Variants in TPM1 observed in about 807,000 individuals in gnomAD.
TPM1 encodes the protein tropomyosin alpha-1 chain.
Under a neutral mutation model 42.9 loss-of-function variants are expected in TPM1, and 24 were observed. The observed-to-expected ratio is 0.56, with a 90% CI of 0.41 to 0.79. The LOEUF (loss-of-function observed/expected upper bound fraction) is 0.79, where lower values mean the gene tolerates loss of function less well. Among genes scored for constraint, TPM1 ranks in the 30% least tolerant of loss-of-function variants. TPM1 has a pLI of 0.00. For missense variants in TPM1, 158 were observed against 351.8 expected (o/e 0.45, Z 4.41); for synonymous variants, 136 against 130.1 (o/e 1.05, Z -0.31).
chr15:63,067,735 A>G (rs111649492), downstream of TPM1, among the ~76,000 whole-genome samples: 91 of 152,322 alleles, frequency 6.0e-4, no homozygotes, highest in African/African-American at 2.0e-3. Context: ...TGTTGATTTG[A>G]ACCAGGCTTC....
chr15:63,062,183 C>G, intron 6 of TPM1, 32 bp from the exon 7 acceptor site: 1 of 1,602,342 alleles, frequency 6.2e-7, no homozygotes, highest in Non-Finnish European at 8.6e-7. Context: ...TGAGCTGCAG[C>G]CTGACATCTG....
rs1596297347 is a variant in TPM1 at position 63,042,932 on chromosome 15, A to C, written c.103A>C (p.Arg35=). 1 of 1,599,748 alleles carries C rather than the reference A, an allele frequency of 6.3e-7. No individual in the cohort carries two copies. The highest frequency in any genetic ancestry group is 8.5e-7 in the Non-Finnish European group (1 of 1,173,396). ...AEADKKAAED[R]SKQLEDELVS... is the part of the protein sequence containing the mutation. The stretch of plus-strand genomic sequence containing the variant: ...GGCCGACAAGAAGGCGGCGGAAGAC[A>C]GGAGCAAGCAGGTCTGCGCCTCCCC... The change falls in exon 1 of 10, where the codon AGG becomes CGG. Residue 35 remains arginine (R), a synonymous_variant. Transcript: ENST00000403994.
intron 3 of TPM1, among the ~76,000 whole-genome samples, chr15:63,058,021 G>T (rs1185013613): frequency 1.3e-5 from 2 of 152,136 alleles, no homozygotes. Flanking sequence ...CCTACCACTA[G>T]GTACCAGGTA....
At chr15:63,068,648 T>C (rs1972041), downstream of TPM1, among the ~76,000 whole-genome samples, 90,251 of 152,026 alleles carry the variant, frequency 0.59, 27,380 homozygotes, top group Admixed American at 0.68. Context: ...CTGTTCCCAG[T>C]GCATACCGGG....
At chr15:63,058,960 T>C (rs1035346436) in intron 3 of TPM1, among the ~76,000 whole-genome samples, 4 of 152,234 alleles carry the variant, frequency 2.6e-5, no homozygotes, top group African/African-American at 9.6e-5. Context: ...GGTTCCATTA[T>C]AGGTAAAACT....
At chr15:63,048,066 G>C (rs1482760537) in intron 2 of TPM1, 1 of 357,994 alleles carries the variant, frequency 2.8e-6, no homozygotes, top group East Asian at 1.1e-4. Flanking sequence ...TCCGGCTCCA[G>C]ACCCGCCGCT....
rs186062271 is a variant in TPM1, at chr15:63,046,596, G to A, written c.240+2444G>A. Reference sequence around the variant, plus strand: ...GTAGTATCCCTGATGGTCTTGTTTCGAATTTTGTGTTGTCTTTCCACCTAA... The same window carrying A: ...GTAGTATCCCTGATGGTCTTGTTTCAAATTTTGTGTTGTCTTTCCACCTAA... On this transcript the variant is annotated intron_variant, in intron 2 of 9. Transcript: ENST00000403994. 7.2e-5 allele frequency: 11 copies of A among 152,518 alleles called. No homozygotes were observed. In the East Asian group the frequency reaches 7.7e-4, roughly 11 times the overall value. The allele number at this position is 152,518 out of a possible 1,614,324, so 9.4% of individuals were successfully genotyped here.
rs896036711 is a variant in TPM1 at position 63,054,908 on chromosome 15, TC to T, written c.241-2070del. Among the ~76,000 whole-genome samples the T allele has an allele frequency of 2.3e-3, 349 of 150,818 alleles. 1 individual carries two copies. The highest frequency in any genetic ancestry group is 7.9e-3 in the African/African-American group (323 of 40,956). ...TTTGTTTTTGCTTCCGCTTTGAGTC[TC>T]CCCCCCACCCTCAAAAGGAATAGAA... On this transcript the variant is annotated intron_variant, in intron 2 of 9. Transcript: ENST00000403994.
Position 63,066,102 on chromosome 15 carries a change from T to G in TPM1, c.*203T>G, listed in dbSNP as rs1345827880. 3 of 1,497,694 alleles carry G rather than the reference T, an allele frequency of 2.0e-6. No homozygotes were observed. In the East Asian group the frequency reaches 7.4e-5, roughly 37 times the overall value. 92.8% of individuals were successfully genotyped at this position (1,497,694 alleles called of 1,614,324 possible). A position where few individuals can be genotyped will look rare whatever the true frequency, so the allele number is the denominator to read the frequency against. ...AAACACTGTGTAAGCTATTTCTGTTTGCTATTCTTTTTACTTCTTATTTAT... is the reference window on the plus strand; with the variant it reads ...AAACACTGTGTAAGCTATTTCTGTTGGCTATTCTTTTTACTTCTTATTTAT... On this transcript the variant is annotated 3_prime_UTR_variant, in exon 10 of 10. Transcript: ENST00000403994.
chr15:63,064,425 T>A, intron 9 of TPM1: 2 of 1,235,440 alleles, frequency 1.6e-6, no homozygotes, highest in Non-Finnish European at 2.0e-6. Flanking sequence ...ACTGTCCTTT[T>A]GGGAAATTAA....
intron 2 of TPM1, chr15:63,048,654 C>T (rs1394600820): frequency 2.6e-6 from 4 of 1,538,662 alleles, no homozygotes; most frequent in Non-Finnish European, 3.5e-6. Context: ...CGCTGAGGAG[C>T]GCGCGGGCAC....
At chr15:63,043,169 A>G (rs1056330263) in intron 1 of TPM1, 1 of 570,096 alleles carries the variant, frequency 1.8e-6, no homozygotes, top group African/African-American at 1.9e-5. Context: ...TCTGGTTCCC[A>G]TGGCCCGCGA....
rs1448738061 is a variant in TPM1, at chr15:63,042,934, G to C, written c.105G>C (p.Arg35Ser). The change falls in exon 1 of 10, where the codon AGG becomes AGC. Residue 35 changes from arginine to serine, a missense_variant. Coordinates refer to ENST00000403994, the MANE Select transcript of TPM1 (RefSeq NM_001018005.2). ...CCGACAAGAAGGCGGCGGAAGACAG[G>C]AGCAAGCAGGTCTGCGCCTCCCCGG... is the stretch of plus-strand genomic sequence containing the variant. ...AEADKKAAED[R>S]SKQLEDELVS... 2 of 1,600,076 alleles carry C rather than the reference G, an allele frequency of 1.2e-6. No homozygotes were observed. The highest frequency in any genetic ancestry group is 4.5e-5 in the East Asian group (2 of 44,306).
At chr15:63,058,754 TA>T (rs1159824289) in intron 3 of TPM1, among the ~76,000 whole-genome samples, 1 of 152,184 alleles carries the variant, frequency 6.6e-6, no homozygotes, top group Non-Finnish European at 1.5e-5. Flanking sequence ...ACTGCCTACT[TA>T]AATTTTGATA....
chr15:63,056,467 C>G (rs2034801187), intron 2 of TPM1: 1 of 185,318 alleles, frequency 5.4e-6, no homozygotes, highest in African/African-American at 2.4e-5. Context: ...GAGATTGAGA[C>G]CATCCTGGCT....
Position 63,064,066 on chromosome 15 carries a change from G to C in TPM1, c.775G>C (p.Glu259Gln), listed in dbSNP as rs397516389. The change falls in exon 9 of 10, where the codon GAG (glutamate) becomes CAG (glutamine). Residue 259 changes from glutamate to glutamine, a missense_variant and splice_region_variant. Physicochemically the swap from Glu to Gln is conservative, Grantham distance 29 (BLOSUM62 2). Coordinates refer to ENST00000403994, the MANE Select transcript of TPM1 (RefSeq NM_001018005.2). ...TGCCTTCCACTTCCTGGTCATAGACGAGCTGTACGCTCAGAAACTGAAGTA... is the reference window on the plus strand; with the variant it reads ...TGCCTTCCACTTCCTGGTCATAGACCAGCTGTACGCTCAGAAACTGAAGTA... Reference protein sequence around the residue: ...LEKSIDDLEDELYAQKLKYKA... With the variant: ...LEKSIDDLEDQLYAQKLKYKA... 2.5e-6 allele frequency: 4 copies of C among 1,613,886 alleles called. No individual in the cohort carries two copies. The Admixed American group carries it at 6.7e-5, about 27-fold the overall frequency.
chr15:63,061,206 G>A lies in TPM1; in HGVS notation c.563+267G>A, dbSNP rs141757680. The A allele has an allele frequency of 2.2e-5, 35 of 1,614,012 alleles. No homozygotes were observed. Among genetic ancestry groups the A allele is most frequent in the African/African-American group, 5.3e-5 (4 of 74,922 alleles). ...CCTGTGTCCACTAACAGCCAAGTCC[G>A]ACAGCTGGAAGAACAATTAAGAATA... On this transcript the variant is annotated intron_variant, in intron 5 of 9. Coordinates refer to ENST00000403994, the MANE Select transcript of TPM1 (RefSeq NM_001018005.2).
At chr15:63,043,690 C>T (rs1251258766) in intron 1 of TPM1, 14 of 1,542,824 alleles carry the variant, frequency 9.1e-6, no homozygotes, top group East Asian at 2.4e-5. Flanking sequence ...CCGCGCCCGC[C>T]CGCCGCTGCC....
intron 3 of TPM1, among the ~76,000 whole-genome samples, chr15:63,058,918 A>C (rs1424252032): frequency 2.6e-5 from 4 of 152,118 alleles, no homozygotes; most frequent in African/African-American, 9.7e-5. Flanking sequence ...GGACAGTGTC[A>C]GGCCTGTCTC....
Sources: gnomAD v4.1 joint callset for allele counts (sites outside exome capture counted in the v4.1 genomes callset) on GRCh38, gnomAD v4.1.1 for gene constraint, MANE v1.5 for transcripts, NCBI Gene and HGNC (gene_info 2026-07-23, HGNC 2026-07-21) for gene names.